The following SMOC2 variants were observed in gnomAD, a reference collection of about 807,000 sequenced individuals.
SMOC2 encodes SPARC-related modular calcium-binding protein 2.
SMOC2 carries 39 observed loss-of-function variants against 61.4 expected under a neutral mutation model. That is an observed-to-expected ratio of 0.64 (90% CI 0.49 to 0.83). The LOEUF is 0.83. Among genes scored for constraint, SMOC2 ranks in the 40% least tolerant of loss-of-function variants. The pLI is 0.00. For missense variants in SMOC2, 556 were observed against 592.9 expected, an observed-to-expected ratio of 0.94 and a Z score of 0.65; for synonymous variants, 247 against 239.9, an observed-to-expected ratio of 1.03 and a Z score of -0.27.
intron 1 of SMOC2, among the ~76,000 whole-genome samples, chr6:168,447,405 C>G (rs1379525283): frequency 1.3e-5 from 2 of 152,156 alleles, no homozygotes; most frequent in Admixed American, 6.5e-5. Context: ...TACCAAGATA[C>G]TGACCGTGGA....
intron 7 of SMOC2, among the ~76,000 whole-genome samples, chr6:168,583,499 A>G (rs1784970575): frequency 6.6e-6 from 1 of 152,252 alleles, no homozygotes; most frequent in Non-Finnish European, 1.5e-5. Flanking sequence ...CTTCTCAGGC[A>G]TCTGCTGGCC....
chr6:168,599,152 C>A (rs1785417829), intron 8 of SMOC2, 148 bp downstream of exon 8: 11 of 696,984 alleles, frequency 1.6e-5, no homozygotes, highest in Admixed American at 8.5e-5. Context: ...CACACACATA[C>A]CCACACACAC....
intron 7 of SMOC2, among the ~76,000 whole-genome samples, chr6:168,573,527 T>A (rs9295068): frequency 2.6e-5 from 4 of 152,012 alleles, no homozygotes; most frequent in African/African-American, 9.7e-5. Context: ...TGCTGGTCCC[T>A]CTGTGTCTGT....
chr6:168,459,737 T>C (rs1363705461), intron 1 of SMOC2, among the ~76,000 whole-genome samples: 5 of 78,780 alleles, frequency 6.3e-5, no homozygotes, highest in African/African-American at 1.0e-4. Flanking sequence ...CTGGAGTGGG[T>C]GGGCCTTGTG....
intron 11 of SMOC2, among the ~76,000 whole-genome samples, chr6:168,656,855 C>A (rs934669731): frequency 1.3e-5 from 2 of 152,234 alleles, no homozygotes; most frequent in Admixed American, 6.5e-5. Context: ...TCCTGCCGTC[C>A]TGATGATGTC....
At chr6:168,655,622 C>T (rs978059468) in intron 11 of SMOC2, 8 of 339,304 alleles carry the variant, frequency 2.4e-5, no homozygotes, top group Non-Finnish European at 4.1e-5. Flanking sequence ...CACATGTGTG[C>T]TGGATCCCCT....
chr6:168,584,197 T>C (rs1784993550), intron 7 of SMOC2, among the ~76,000 whole-genome samples: 1 of 152,222 alleles, frequency 6.6e-6, no homozygotes, highest in Non-Finnish European at 1.5e-5. Context: ...CCATGCAGGG[T>C]TGCAGGTATT....
chr6:168,578,155 T>C (rs1784848898), intron 7 of SMOC2, among the ~76,000 whole-genome samples: 1 of 152,208 alleles, frequency 6.6e-6, no homozygotes, highest in Non-Finnish European at 1.5e-5. Flanking sequence ...AGCTGCTGTG[T>C]GTAGCAGCTC....
chr6:168,449,161 G>A (rs547556457), intron 1 of SMOC2, among the ~76,000 whole-genome samples: 3 of 152,140 alleles, frequency 2.0e-5, no homozygotes, highest in African/African-American at 7.2e-5. Flanking sequence ...CAGTGTCTGT[G>A]CAGATTGATC....
intron 4 of SMOC2, among the ~76,000 whole-genome samples, chr6:168,533,411 T>G (rs1783658465): frequency 6.6e-6 from 1 of 152,344 alleles, no homozygotes; most frequent in Non-Finnish European, 1.5e-5. Flanking sequence ...CCTAAATGAC[T>G]TCAGAAAAAA....
intron 7 of SMOC2, among the ~76,000 whole-genome samples, chr6:168,586,552 T>C (rs1344617157): frequency 6.6e-6 from 1 of 152,220 alleles, no homozygotes; most frequent in African/African-American, 2.4e-5. Flanking sequence ...AGGAATTATA[T>C]GGGATCCACC....
intron 4 of SMOC2, among the ~76,000 whole-genome samples, chr6:168,541,489 G>A (rs1783878097): frequency 1.3e-5 from 2 of 152,176 alleles, no homozygotes; most frequent in African/African-American, 2.4e-5. Context: ...CAGCATCAGA[G>A]TTGCTTTCTT....
At chr6:168,481,310 ATAG>A (rs1367265040) in intron 1 of SMOC2, among the ~76,000 whole-genome samples, 1 of 152,156 alleles carries the variant, frequency 6.6e-6, no homozygotes, top group Non-Finnish European at 1.5e-5. Flanking sequence ...ATTTTGTAAC[ATAG>A]TAGCAGAATG....
chr6:168,587,076 G>A lies in SMOC2; in HGVS notation c.638-11742G>A, dbSNP rs1332120873. Among the ~76,000 whole-genome samples, 3 of 152,146 alleles carry A rather than the reference G, an allele frequency of 2.0e-5. No homozygotes were observed. The East Asian group carries it at 5.8e-4, about 29-fold the overall frequency. On this transcript the variant is annotated intron_variant, in intron 7 of 12. Transcript: ENST00000356284. ...TAAAAATGAGCAACTAAATTTACTT[G>A]TCTAAAGACTGATAGTTTTGCTATA...
At chr6:168,660,386 T>C (rs1787477897) in intron 11 of SMOC2, among the ~76,000 whole-genome samples, 1 of 152,214 alleles carries the variant, frequency 6.6e-6, no homozygotes, top group African/African-American at 2.4e-5. Flanking sequence ...AGCAGGACCC[T>C]GGTGTTGAAG....
At chr6:168,460,569 G>A (rs559697226) in intron 1 of SMOC2, among the ~76,000 whole-genome samples, 1 of 152,300 alleles carries the variant, frequency 6.6e-6, no homozygotes, top group South Asian at 2.1e-4. Flanking sequence ...CCCAAATCCT[G>A]AATTTTATAA....
intron 1 of SMOC2, among the ~76,000 whole-genome samples, chr6:168,464,665 C>G (rs772168480): frequency 6.6e-6 from 1 of 152,038 alleles, no homozygotes; most frequent in Non-Finnish European, 1.5e-5. Flanking sequence ...TGGATAACTC[C>G]AAACATATCA....
intron 9 of SMOC2, among the ~76,000 whole-genome samples, chr6:168,612,285 G>C (rs1785896467): frequency 7.6e-6 from 1 of 131,236 alleles, no homozygotes; most frequent in Non-Finnish European, 1.7e-5. Flanking sequence ...CAGGGGAGAG[G>C]GTGACCCCAG....
intron 1 of SMOC2, among the ~76,000 whole-genome samples, chr6:168,456,851 C>T (rs554082252): frequency 6.0e-4 from 91 of 152,184 alleles, no homozygotes; most frequent in Non-Finnish European, 1.1e-3. Context: ...TGGGCTGCTC[C>T]ATGTGGGCAA....
Sources: allele counts gnomAD v4.1 joint callset (sites outside exome capture counted in the v4.1 genomes callset), GRCh38; gene constraint gnomAD v4.1.1; transcripts MANE v1.5; gene names NCBI Gene and HGNC (gene_info 2026-07-23, HGNC 2026-07-21).